The following CHD8 variants were observed in gnomAD, a reference collection of about 807,000 sequenced individuals.
The protein encoded by CHD8 is ATP-dependent chromatin remodeler CHD8.
Under a neutral mutation model 279.2 loss-of-function variants are expected in CHD8, and 31 were observed. The ratio of observed to expected loss-of-function variants is 0.11; its 90% CI spans 0.08 to 0.15. CHD8 has a LOEUF of 0.15. Among genes scored for constraint, CHD8 ranks in the 10% least tolerant of loss-of-function variants. CHD8 has a pLI of 1.00. For missense variants in CHD8, 2,146 were observed against 3,230.5 expected (o/e 0.66, Z 8.14); for synonymous variants, 1,081 against 1,139.6 (o/e 0.95, Z 1.04).
chr14:21,454,519 G>A (rs911323442), intron 1 of CHD8, among the ~76,000 whole-genome samples: 2 of 152,020 alleles, frequency 1.3e-5, no homozygotes, highest in Admixed American at 6.6e-5. Flanking sequence ...TTAGAGACGG[G>A]GTTTCACCAT....
rs181510925 is a variant in CHD8 at position 21,443,497 on chromosome 14, G to A, written c.-215-11639C>T. Among the ~76,000 whole-genome samples the A allele has an allele frequency of 2.3e-3, 353 of 152,202 alleles. 2 individuals are homozygous for A. Among genetic ancestry groups the A allele is most frequent in the African/African-American group, 7.9e-3 (327 of 41,520 alleles). ...GACAGTGCAGTGTCACAGAGGCAGAGAATAGAGATTTGCAGGGGAAGAGTG... is the reference window on the plus strand; with the variant it reads ...GACAGTGCAGTGTCACAGAGGCAGAAAATAGAGATTTGCAGGGGAAGAGTG... On this transcript the variant is annotated intron_variant, in intron 1 of 37. Transcript: ENST00000646647.
chr14:21,433,688 C>T (rs1030031004), intron 1 of CHD8, among the ~76,000 whole-genome samples: 2 of 152,170 alleles, frequency 1.3e-5, no homozygotes, highest in Non-Finnish European at 2.9e-5. Flanking sequence ...GTATCTCCAA[C>T]AATGTTAAAC....
intron 1 of CHD8, among the ~76,000 whole-genome samples, chr14:21,446,698 C>T (rs1026491313): frequency 1.3e-5 from 2 of 152,218 alleles, no homozygotes; most frequent in African/African-American, 4.8e-5. Flanking sequence ...TAATACCTTG[C>T]CCAATATCCT....
intron 37 of CHD8, among the ~76,000 whole-genome samples, chr14:21,387,792 C>T (rs1345603643): frequency 1.6e-5 from 2 of 122,194 alleles, no homozygotes; most frequent in South Asian, 2.6e-4. Flanking sequence ...GGTTACAGAA[C>T]GAGACTCTGT....
chr14:21,449,170 T>G (rs1055815792), intron 1 of CHD8, among the ~76,000 whole-genome samples: 6 of 151,906 alleles, frequency 3.9e-5, no homozygotes, highest in African/African-American at 1.4e-4. Context: ...CGAGACTTCA[T>G]CGCAAAATAA....
chr14:21,441,305 AC>A (rs1889954373), intron 1 of CHD8, among the ~76,000 whole-genome samples: 1 of 152,104 alleles, frequency 6.6e-6, no homozygotes. Context: ...TATTCCCATT[AC>A]TTTTTTGAGC....
Position 21,397,319 on chromosome 14 carries a change from T to C in CHD8, c.5051+504A>G, listed in dbSNP as rs183240535. The C allele has an allele frequency of 2.3e-5, 12 of 518,792 alleles. No individual in the cohort carries two copies. In the East Asian group the frequency reaches 6.0e-4, roughly 26 times the overall value. The allele number at this position is 518,792 out of a possible 1,614,324, so 32.1% of individuals were successfully genotyped here. A position where few individuals can be genotyped will look rare whatever the true frequency, so the allele number is the denominator to read the frequency against. On this transcript the variant is annotated intron_variant, in intron 27 of 37. Coordinates refer to ENST00000646647, the MANE Select transcript of CHD8 (RefSeq NM_001170629.2). ...CCCTCAGATCTTCATGTGAGAAGTT[T>C]TGTTAAACTCACTGGCACCCAAACC...
intron 35 of CHD8, 95 bp from the exon 36 acceptor site, chr14:21,391,737 A>T: frequency 6.6e-7 from 1 of 1,510,842 alleles, no homozygotes; most frequent in Non-Finnish European, 9.1e-7. Context: ...AAATGACTCT[A>T]GTATTTTCCA....
chr14:21,437,046 C>G, intron 1 of CHD8: 2 of 613,844 alleles, frequency 3.3e-6, no homozygotes, highest in Non-Finnish European at 4.2e-6. Context: ...TGGGGATGGC[C>G]AAGACGGGAA....
chr14:21,395,174 T>C lies in CHD8; in HGVS notation c.5183-55A>G, dbSNP rs1013630491. On this transcript the variant is annotated intron_variant, in intron 29 of 37. Transcript: ENST00000646647. ...AGTATAGCAAGGGTAGTAGAGGCAATACTAGTATTTTAACCCACCCAAAGG... is the reference window on the plus strand; with the variant it reads ...AGTATAGCAAGGGTAGTAGAGGCAACACTAGTATTTTAACCCACCCAAAGG... 28 of 1,565,328 alleles carry C rather than the reference T, an allele frequency of 1.8e-5. No homozygotes were observed. The African/African-American group carries it at 1.9e-4, about 11-fold the overall frequency.
chr14:21,386,633 C>G (rs200462892), intron 37 of CHD8, among the ~76,000 whole-genome samples: 8 of 151,846 alleles, frequency 5.3e-5, no homozygotes, highest in Non-Finnish European at 7.4e-5. Flanking sequence ...GTCAGGAGAT[C>G]GAGACCATCC....
rs144022916 is a variant in CHD8, at chr14:21,421,324, A to G, written c.1716+4804T>C. Among the ~76,000 whole-genome samples, 131 of 152,040 alleles carry G rather than the reference A, an allele frequency of 8.6e-4. 3 individuals carry two copies. Among genetic ancestry groups the G allele is most frequent in the African/African-American group, 2.8e-3 (118 of 41,484 alleles). ...ATACTACATACACCTTTTTTCATTA[A>G]TAAGTCTTCCTTATTAGCACATTCC... On this transcript the variant is annotated intron_variant, in intron 5 of 37. Coordinates refer to ENST00000646647, the MANE Select transcript of CHD8 (RefSeq NM_001170629.2).
intron 13 of CHD8, among the ~76,000 whole-genome samples, chr14:21,407,596 AAAGGAACTGATCC>A (rs1888304562): frequency 6.6e-6 from 1 of 152,176 alleles, no homozygotes; most frequent in Non-Finnish European, 1.5e-5. Flanking sequence ...TTACATGGAA[AAAGGAACTGATCC>A]TTTTTTTTTC....
rs1350415351 is a variant in CHD8, at chr14:21,403,711, A to T, written c.3308-48T>A. On this transcript the variant is annotated intron_variant, in intron 16 of 37. Transcript: ENST00000646647. This position sits in a 1 kb window ranked among gnomAD's most constrained non-coding sequence, Gnocchi z 4.3. ...ATGTTGAGATCCAGTGAACCATATT[A>T]AGGTTGTAGTCTATTTAACTAAGAA... is the stretch of plus-strand genomic sequence containing the variant. The T allele has an allele frequency of 6.9e-7, 1 of 1,447,934 alleles. No individual in the cohort carries two copies. The highest frequency in any genetic ancestry group is 2.5e-5 in the East Asian group (1 of 40,580). The allele number at this position is 1,447,934 out of a possible 1,614,324, so 89.7% of individuals were successfully genotyped here.
intron 1 of CHD8, among the ~76,000 whole-genome samples, chr14:21,451,571 CAAAAA>C (rs969355375): frequency 6.3e-5 from 2 of 31,634 alleles, no homozygotes; most frequent in African/African-American, 2.3e-4. Context: ...GACTCTGTCT[CAAAAA>C]AAAAAAAAAA....
rs775967845 is a variant in CHD8, at chr14:21,402,972, C to T, written c.3714+45G>A. The T allele has an allele frequency of 9.3e-5, 138 of 1,487,060 alleles. No individual in the cohort carries two copies. The highest frequency in any genetic ancestry group is 8.4e-5 in the Non-Finnish European group (91 of 1,083,982). 92.1% of individuals were successfully genotyped at this position (1,487,060 alleles called of 1,614,324 possible). A position where few individuals can be genotyped will look rare whatever the true frequency, so the allele number is the denominator to read the frequency against. On this transcript the variant is annotated intron_variant, in intron 18 of 37. Coordinates refer to ENST00000646647, the MANE Select transcript of CHD8 (RefSeq NM_001170629.2). This position sits in a 1 kb window ranked among gnomAD's most constrained non-coding sequence, Gnocchi z 4.5. The stretch of plus-strand genomic sequence containing the variant: ...AAAGATCCTATTCTTGTTGAAAAAT[C>T]TCCCAAGTTAGGTAGTTAGTCCCTA...
chr14:21,421,465 T>C (rs1188608158), intron 5 of CHD8, among the ~76,000 whole-genome samples: 1 of 152,030 alleles, frequency 6.6e-6, no homozygotes, highest in Non-Finnish European at 1.5e-5. Context: ...ATCTAATTTT[T>C]AGACATTTTT....
In CHD8 at chr14:21,402,225, T is replaced by C; in HGVS notation, c.3883-89A>G. ...ATTTTAGCTATTATATTTTAAGAAA[T>C]AATAATTGAGAATCCAAACAAGGTA... On this transcript the variant is annotated intron_variant, in intron 19 of 37. Coordinates refer to ENST00000646647, the MANE Select transcript of CHD8 (RefSeq NM_001170629.2). This position sits in a 1 kb window ranked among gnomAD's most constrained non-coding sequence, Gnocchi z 4.5. 1 of 1,480,394 alleles carries C rather than the reference T, an allele frequency of 6.8e-7. No homozygotes were observed. Among genetic ancestry groups the C allele is most frequent in the East Asian group, 2.3e-5 (1 of 42,998 alleles). The allele number at this position is 1,480,394 out of a possible 1,614,324, so 91.7% of individuals were successfully genotyped here.
At chr14:21,441,577 G>A (rs1375118629) in intron 1 of CHD8, among the ~76,000 whole-genome samples, 2 of 152,140 alleles carry the variant, frequency 1.3e-5, no homozygotes, top group Non-Finnish European at 2.9e-5. Flanking sequence ...AAGATGAATA[G>A]TTTAGCCATA....
Sources: gnomAD v4.1 joint callset for allele counts (sites outside exome capture counted in the v4.1 genomes callset) on GRCh38, gnomAD v4.1.1 for gene constraint, Gnocchi (gnomAD v3.1) non-coding constraint, MANE v1.5 for transcripts, NCBI Gene and HGNC (gene_info 2026-07-23, HGNC 2026-07-21) for gene names.